Variants in SEC23B observed in about 807,000 individuals in gnomAD.
The protein encoded by SEC23B is SEC23 homolog B, COPII component, also known as protein transport protein Sec23B.
In SEC23B, 77 loss-of-function variants were observed where a neutral mutation model predicts 104.3. The observed-to-expected ratio is 0.74, with a 90% confidence interval of 0.61 to 0.89. SEC23B has a LOEUF of 0.89. Ranked by LOEUF, SEC23B falls within the 40% of genes least tolerant of loss-of-function variation. SEC23B has a pLI of 0.00. For synonymous variants in SEC23B, 338 were observed against 332.5 expected, an observed-to-expected ratio of 1.02 and a Z score of -0.18; for missense variants, 885 against 949.4, an observed-to-expected ratio of 0.93 and a Z score of 0.89.
rs2060425208 is a variant in SEC23B at position 18,555,183 on chromosome 20, C to T, written c.2214+10C>T. 2.5e-6 allele frequency: 4 copies of T among 1,607,856 alleles called. No homozygotes were observed. The highest frequency in any genetic ancestry group is 3.4e-6 in the Non-Finnish European group (4 of 1,174,482). On this transcript the variant is annotated intron_variant, in intron 19 of 19. Coordinates refer to ENST00000650089, the MANE Select transcript of SEC23B (RefSeq NM_006363.6). ...GTATGCTTGGGGACAGGTAAGAAAT[C>T]TTCAGGTATTTGGGGAGGATGCTAA...
chr20:18,522,626 C>T (rs781272557), intron 4 of SEC23B, among the ~76,000 whole-genome samples: 15 of 152,106 alleles, frequency 9.9e-5, no homozygotes, highest in Non-Finnish European at 2.1e-4. Flanking sequence ...TCCCTCTGAC[C>T]CGGGTCTTCG....
intron 12 of SEC23B, among the ~76,000 whole-genome samples, chr20:18,539,210 T>TAA (rs763267633): frequency 3.2e-5 from 3 of 95,092 alleles, no homozygotes; most frequent in African/African-American, 4.1e-5. Context: ...AGACTCCGTC[T>TAA]AAAAAAAAAA....
chr20:18,517,474 G>A (rs1237240624), intron 4 of SEC23B, among the ~76,000 whole-genome samples: 1 of 152,206 alleles, frequency 6.6e-6, no homozygotes, highest in Non-Finnish European at 1.5e-5. Context: ...TGAATTTTCA[G>A]TTGCTTCAGG....
intron 3 of SEC23B, among the ~76,000 whole-genome samples, chr20:18,513,212 G>C (rs1200481793): frequency 1.3e-5 from 2 of 151,910 alleles, no homozygotes; most frequent in Non-Finnish European, 2.9e-5. Context: ...GCTGGACATG[G>C]TGGTGCGCAC....
At chr20:18,522,099 G>A (rs556931842) in intron 4 of SEC23B, among the ~76,000 whole-genome samples, 15 of 152,224 alleles carry the variant, frequency 9.9e-5, no homozygotes, top group South Asian at 4.1e-4. Context: ...AATGGAGGGC[G>A]GAAGTTTGCA....
intron 16 of SEC23B, 122 bp downstream of exon 16, chr20:18,548,892 T>C: frequency 1.1e-6 from 1 of 915,226 alleles, no homozygotes; most frequent in Non-Finnish European, 1.7e-6. Context: ...TATAGTAATT[T>C]AACATTATTT....
chr20:18,559,793 C>G, intron 19 of SEC23B, among the ~76,000 whole-genome samples: 1 of 151,962 alleles, frequency 6.6e-6, no homozygotes, highest in African/African-American at 2.4e-5. Flanking sequence ...TCCTTGGGTC[C>G]CAAGGTCTTT....
At position 18,554,348 on chromosome 20, in the gene SEC23B, C is replaced by T. The variant is rs1261048883; in HGVS notation, c.2106C>T (p.Phe702=). 5.0e-6 allele frequency: 8 copies of T among 1,614,198 alleles called. No individual in the cohort carries two copies. Among genetic ancestry groups the T allele is most frequent in the South Asian group, 1.1e-5 (1 of 91,088 alleles). ...CTCAAGAAATTCTGCAAGCACGCTTCCCGATGCCACGTTACATCAACACGG... is the reference window on the plus strand; with the variant it reads ...CTCAAGAAATTCTGCAAGCACGCTTTCCGATGCCACGTTACATCAACACGG... ...DDAQEILQAR[F]PMPRYINTEH... Residue 702 remains phenylalanine, a synonymous_variant, in exon 18 of 20, where the codon TTC becomes TTT. Coordinates refer to ENST00000650089, the MANE Select transcript of SEC23B (RefSeq NM_006363.6).
At position 18,554,966 on chromosome 20, in the gene SEC23B, AC is replaced by A; in HGVS notation, c.2149-141del. 1.3e-3 allele frequency: 158 copies of A among 124,590 alleles called. 59 individuals carry two copies. The highest frequency in any genetic ancestry group is 1.9e-3 in the South Asian group (20 of 10,444). 7.7% of individuals were successfully genotyped at this position (124,590 alleles called of 1,614,324 possible). A position where few individuals can be genotyped will look rare whatever the true frequency, so the allele number is the denominator to read the frequency against. On this transcript the variant is annotated intron_variant, in intron 18 of 19. Coordinates refer to ENST00000650089, the MANE Select transcript of SEC23B (RefSeq NM_006363.6). ...AAGAAATAGATTACTGTGCAGTAAA[AC>A]AATTCTAATTAGATTACTGTGCAGT...
At chr20:18,527,102 A>C (rs2060140857) in intron 8 of SEC23B, among the ~76,000 whole-genome samples, 2 of 152,268 alleles carry the variant, frequency 1.3e-5, no homozygotes, top group Non-Finnish European at 2.9e-5. Flanking sequence ...CTGTAATTTC[A>C]GCTACTCGGG....
Position 18,526,419 on chromosome 20 carries a change from G to T in SEC23B, c.881G>T (p.Gly294Val). ...TGARIMLFTG[G>V]PPTQGPGMVV... is the part of the protein sequence containing the mutation. Reference sequence around the variant, plus strand: ...GCCAGGATCATGCTGTTTACTGGAGGTCCCCCTACCCAAGGGCCTGGCATG... The same window carrying T: ...GCCAGGATCATGCTGTTTACTGGAGTTCCCCCTACCCAAGGGCCTGGCATG... The change falls in exon 8 of 20, where the codon GGT becomes GTT. Residue 294 changes from glycine (G) to valine (V), a missense_variant. By Grantham distance (109) the Gly-to-Val change is moderately radical. Transcript: ENST00000650089. The T allele has an allele frequency of 6.2e-7, 1 of 1,614,154 alleles. No individual in the cohort carries two copies. The highest frequency in any genetic ancestry group is 1.1e-5 in the South Asian group (1 of 91,070).
chr20:18,542,880 C>T (rs2122125307), intron 13 of SEC23B, 139 bp from the exon 14 acceptor site: 1 of 1,031,920 alleles, frequency 9.7e-7, no homozygotes, highest in South Asian at 1.3e-5. Context: ...CTCAAGCAGT[C>T]CTGCCACCTT....
At chr20:18,542,504 T>C (rs562916785) in intron 13 of SEC23B, 102 bp downstream of exon 13, 3 of 1,175,394 alleles carry the variant, frequency 2.6e-6, no homozygotes, top group Non-Finnish European at 3.8e-6. Flanking sequence ...TTCCATTGAA[T>C]GGTTCTCACC....
intron 8 of SEC23B, 40 bp downstream of exon 8, chr20:18,526,571 A>G (rs777725798): frequency 1.9e-6 from 3 of 1,612,238 alleles, no homozygotes; most frequent in Admixed American, 3.3e-5. Flanking sequence ...CTGAAAGCCC[A>G]TTGTCAGGTT....
chr20:18,523,257 C>T (rs898713432), intron 4 of SEC23B, among the ~76,000 whole-genome samples: 3 of 152,170 alleles, frequency 2.0e-5, no homozygotes, highest in Non-Finnish European at 4.4e-5. Flanking sequence ...TGCTAACACT[C>T]CTGCTTGAGG....
intron 17 of SEC23B, among the ~76,000 whole-genome samples, chr20:18,553,105 T>C (rs2060404092): frequency 6.6e-6 from 1 of 152,242 alleles, no homozygotes; most frequent in Admixed American, 6.5e-5. Context: ...CCCCTGATCC[T>C]GTTCATTCAC....
chr20:18,555,994 G>C (rs552059601), intron 19 of SEC23B, among the ~76,000 whole-genome samples: 10 of 151,228 alleles, frequency 6.6e-5, no homozygotes, highest in African/African-American at 2.4e-4. Flanking sequence ...GACGGGAGAC[G>C]GTGACAGATC....
In SEC23B at chr20:18,510,977, C is replaced by T. The variant is rs142919912; in HGVS notation, c.142C>T (p.Arg48Cys). Residue 48 changes from arginine to cysteine, a missense_variant, in exon 2 of 20, where the codon CGT (arginine) becomes TGT (cysteine). Coordinates refer to ENST00000650089, the MANE Select transcript of SEC23B (RefSeq NM_006363.6). ...LACLLTPLKERPDLPPVQYEP... is the reference protein window; with the variant it reads ...LACLLTPLKECPDLPPVQYEP... ...TTGTCTCCTTACTCCTTTGAAAGAA[C>T]GTCCAGACCTACCTCCTGTACAATA... 3.8e-5 allele frequency: 61 copies of T among 1,614,048 alleles called. No homozygotes were observed. The highest frequency in any genetic ancestry group is 5.3e-5 in the African/African-American group (4 of 74,934).
chr20:18,530,639 A>C, intron 9 of SEC23B, 41 bp from the exon 10 acceptor site: 1 of 1,607,808 alleles, frequency 6.2e-7, no homozygotes, highest in Non-Finnish European at 8.5e-7. Context: ...AATGGCTTTC[A>C]ATCTTCCTAA....
Sources: gnomAD v4.1 joint callset for allele counts (sites outside exome capture counted in the v4.1 genomes callset) on GRCh38, gnomAD v4.1.1 for gene constraint, MANE v1.5 for transcripts, NCBI Gene and HGNC (gene_info 2026-07-23, HGNC 2026-07-21) for gene names.